The following AVEN variants were observed in gnomAD, a reference collection of about 807,000 sequenced individuals.
AVEN encodes the protein cell death regulator Aven.
In AVEN, 41 loss-of-function variants were observed where a neutral mutation model predicts 38.1. That is an observed-to-expected ratio of 1.08 (90% CI 0.84 to 1.40). The LOEUF (loss-of-function observed/expected upper bound fraction) is 1.40, where lower values mean the gene tolerates loss of function less well. Among genes scored for constraint, AVEN ranks in the 40% most tolerant of loss-of-function variants. The probability of loss-of-function intolerance (pLI) is 0.00; values close to 1 mark genes in which losing one functional copy is unlikely to be tolerated. For missense variants in AVEN, 605 were observed against 438.8 expected (o/e 1.38, Z -3.38); for synonymous variants, 206 against 171.8 (o/e 1.20, Z -1.56).
intron 2 of AVEN, among the ~76,000 whole-genome samples, chr15:33,940,026 C>CA (rs1468174758): frequency 1.3e-5 from 2 of 152,128 alleles, no homozygotes; most frequent in Non-Finnish European, 2.9e-5. Flanking sequence ...AAAGACAGAG[C>CA]AAAAAGATAC....
chr15:33,988,904 C>T (rs1209639726), intron 2 of AVEN, among the ~76,000 whole-genome samples: 1 of 152,200 alleles, frequency 6.6e-6, no homozygotes, highest in Admixed American at 6.5e-5. Flanking sequence ...CCAGTTAACA[C>T]TCATAACACA....
intron 5 of AVEN, among the ~76,000 whole-genome samples, chr15:34,062,145 G>C (rs1900354613): frequency 6.6e-6 from 1 of 152,102 alleles, no homozygotes; most frequent in African/African-American, 2.4e-5. Context: ...AGGGCACTCA[G>C]CCATAGGTAA....
intron 2 of AVEN, among the ~76,000 whole-genome samples, chr15:33,879,305 A>G (rs1457862806): frequency 1.3e-5 from 2 of 150,924 alleles, no homozygotes; most frequent in African/African-American, 2.4e-5. Flanking sequence ...CGCAAGGACA[A>G]AAAAACAAAC....
chr15:34,060,009 G>A (rs781143992), intron 5 of AVEN, among the ~76,000 whole-genome samples: 7 of 152,178 alleles, frequency 4.6e-5, no homozygotes, highest in Non-Finnish European at 1.0e-4. Flanking sequence ...AAAGAATAAA[G>A]GAGAAAGCGA....
At chr15:33,863,534 T>G (rs1234767842), downstream of AVEN, among the ~76,000 whole-genome samples, 5 of 152,314 alleles carry the variant, frequency 3.3e-5, no homozygotes, top group East Asian at 5.8e-4. Flanking sequence ...TCATATAATG[T>G]GAGCTGAGAG....
chr15:33,860,360 T>G (rs1188130782), intron 11 of AVEN, among the ~76,000 whole-genome samples: 2 of 152,138 alleles, frequency 1.3e-5, no homozygotes, highest in Admixed American at 6.5e-5. Flanking sequence ...GGAAAGAGTT[T>G]CAGGGAGGAG....
chr15:33,934,403 A>G (rs1293106415), intron 2 of AVEN, among the ~76,000 whole-genome samples: 1 of 152,222 alleles, frequency 6.6e-6, no homozygotes, highest in African/African-American at 2.4e-5. Flanking sequence ...CAATTCTTCT[A>G]GCAACCAAAA....
At chr15:34,009,034 A>C (rs147657509) in intron 1 of AVEN, among the ~76,000 whole-genome samples, 2 of 152,246 alleles carry the variant, frequency 1.3e-5, no homozygotes, top group African/African-American at 4.8e-5. Flanking sequence ...ATCACAAGGC[A>C]ACCCAAAGAA....
intron 4 of AVEN, chr15:34,065,452 T>TG (rs1401802327): frequency 6.6e-6 from 1 of 152,120 alleles, no homozygotes; most frequent in Non-Finnish European, 1.5e-5. Context: ...AGCAGGGGGT[T>TG]GTGGGGTGAG....
rs188645836 is a variant in AVEN at position 33,944,105 on chromosome 15, A to G, written c.445+58927T>C. Among the ~76,000 whole-genome samples the G allele has an allele frequency of 1.7e-3, 258 of 152,270 alleles. 2 individuals are homozygous for G. The highest frequency in any genetic ancestry group is 0.016 in the Admixed American group (247 of 15,286). ...CTCTTCAAGTAAGACTGATAGTACT[A>G]TATTTTCCCAACATCCAACAGGAAC... On this transcript the variant is annotated intron_variant, in intron 2 of 5. Transcript: ENST00000306730.
chr15:33,863,482 G>A (rs77327859), downstream of AVEN, among the ~76,000 whole-genome samples: 12 of 151,982 alleles, frequency 7.9e-5, no homozygotes, highest in Admixed American at 6.6e-4. Context: ...ATCCTTTTCC[G>A]GAAGGGCAAG....
intron 2 of AVEN, among the ~76,000 whole-genome samples, chr15:33,900,291 T>C (rs1597210474): frequency 1.4e-5 from 2 of 145,572 alleles, no homozygotes; most frequent in East Asian, 2.0e-4. Context: ...GGAAAGTGGA[T>C]AGAGTTTTGG....
chr15:33,857,112 C>G (rs1336937345), downstream of AVEN, among the ~76,000 whole-genome samples: 2 of 152,166 alleles, frequency 1.3e-5, no homozygotes, highest in Non-Finnish European at 2.9e-5. Flanking sequence ...TTTACTTACG[C>G]CCAATCTAAT....
chr15:33,910,860 G>T lies in AVEN; in HGVS notation c.446-34865C>A, dbSNP rs145708797. On this transcript the variant is annotated intron_variant, in intron 2 of 5. Coordinates refer to ENST00000306730, the MANE Select transcript of AVEN (RefSeq NM_020371.3). ...CCAGTTCTACTGCCACTGCTGACTA[G>T]TTATCACTCAACTCTCCATTCATCC... 0.011 allele frequency among the ~76,000 whole-genome samples: 1,721 copies of T among 152,288 alleles called. 51 individuals are homozygous for T. In the South Asian group the frequency reaches 0.13, roughly 12 times the overall value.
intron 3 of AVEN, among the ~76,000 whole-genome samples, chr15:33,875,151 G>A (rs953561009): frequency 6.6e-6 from 1 of 152,128 alleles, no homozygotes; most frequent in Non-Finnish European, 1.5e-5. Context: ...ACGCTGATGT[G>A]GGAGCAGAAC....
chr15:33,949,977 G>A (rs191598652), intron 2 of AVEN, among the ~76,000 whole-genome samples: 53 of 152,198 alleles, frequency 3.5e-4, no homozygotes, highest in African/African-American at 1.2e-3. Flanking sequence ...TCTATCAAGG[G>A]ATGAATGGAT....
Position 33,974,899 on chromosome 15 carries a change from G to C in AVEN, c.445+28133C>G, listed in dbSNP as rs749514586. ...GGGCCGGAGAATCGCTTGAACCCAG[G>C]AGGTGGAGCTTGCAGTGAGCCAAGA... On this transcript the variant is annotated intron_variant, in intron 2 of 5. Transcript: ENST00000306730. Among the ~76,000 whole-genome samples, 3 of 152,206 alleles carry C rather than the reference G, an allele frequency of 2.0e-5. No individual in the cohort carries two copies. In the South Asian group the frequency reaches 6.2e-4, roughly 32 times the overall value.
rs1252992833 is a variant in AVEN at position 34,003,079 on chromosome 15, C to T, written c.398G>A (p.Gly133Glu). The change falls in exon 2 of 6, where the codon GGA (glycine) becomes GAA (glutamate). Residue 133 changes from glycine to glutamate, a missense_variant. By Grantham distance (98) the Gly-to-Glu change is moderately conservative. Transcript: ENST00000306730. ...GAAATCTGTTCCCCTCTGTGACTCT[C>T]CACTTTCATTATTGACCTCTTTTTC... ...DIEKEVNNESGESQRGTDFSV... is the reference protein window; with the variant it reads ...DIEKEVNNESEESQRGTDFSV... 3 of 1,613,890 alleles carry T rather than the reference C, an allele frequency of 1.9e-6. No individual in the cohort carries two copies. The highest frequency in any genetic ancestry group is 2.5e-6 in the Non-Finnish European group (3 of 1,179,918).
intron 1 of AVEN, among the ~76,000 whole-genome samples, chr15:34,025,264 G>A (rs774441549): frequency 4.0e-4 from 61 of 152,158 alleles, no homozygotes; most frequent in Non-Finnish European, 6.9e-4. Context: ...TAGAGTTTTG[G>A]TTGCAAACTA....
Sources: gnomAD v4.1 joint callset for allele counts (sites outside exome capture counted in the v4.1 genomes callset) on GRCh38, gnomAD v4.1.1 for gene constraint, MANE v1.5 for transcripts, NCBI Gene and HGNC (gene_info 2026-07-23, HGNC 2026-07-21) for gene names.